The following MYO6 variants were observed in gnomAD, a reference collection of about 807,000 sequenced individuals.
MYO6 encodes the protein myosin VI.
MYO6 carries 74 observed loss-of-function variants against 178.7 expected under a neutral mutation model. The ratio of observed to expected loss-of-function variants is 0.41; its 90% CI spans 0.34 to 0.50. The LOEUF (loss-of-function observed/expected upper bound fraction) is 0.50. Among genes scored for constraint, MYO6 ranks in the 20% least tolerant of loss-of-function variants. The pLI, the probability that MYO6 is intolerant of heterozygous loss-of-function variation, is 0.09. For synonymous variants in MYO6, 477 were observed against 504.6 expected, an observed-to-expected ratio of 0.95 and a Z score of 0.73; for missense variants, 1,330 against 1,547.4, an observed-to-expected ratio of 0.86 and a Z score of 2.36.
chr6:75,850,146 C>A (rs1263606290), intron 11 of MYO6, among the ~76,000 whole-genome samples: 1 of 151,960 alleles, frequency 6.6e-6, no homozygotes, highest in African/African-American at 2.4e-5. Context: ...AAAGTAAGTC[C>A]TGATACAGGA....
At chr6:75,889,291 TTTA>T in intron 25 of MYO6, among the ~76,000 whole-genome samples, 1 of 152,244 alleles carries the variant, frequency 6.6e-6, no homozygotes, top group Admixed American at 6.5e-5. Context: ...GAAGGCTAAT[TTTA>T]GAAATCCAAT....
intron 1 of MYO6, among the ~76,000 whole-genome samples, chr6:75,781,481 T>G (rs1224066863): frequency 6.6e-6 from 1 of 152,034 alleles, no homozygotes; most frequent in East Asian, 1.9e-4. Context: ...TCTGTAACAG[T>G]GAGAGGGATA....
intron 13 of MYO6, among the ~76,000 whole-genome samples, chr6:75,857,656 G>T (rs894674805): frequency 6.6e-6 from 1 of 152,140 alleles, no homozygotes; most frequent in Admixed American, 6.5e-5. Context: ...CTGGGGATAG[G>T]TTGACCTAAC....
chr6:75,806,587 C>T (rs1160153538), intron 1 of MYO6, among the ~76,000 whole-genome samples: 4 of 152,170 alleles, frequency 2.6e-5, no homozygotes, highest in African/African-American at 4.8e-5. Context: ...ATGGCCATAA[C>T]GCCCATGCTG....
chr6:75,908,451 A>T (rs758783705), intron 31 of MYO6, 45 bp from the exon 32 acceptor site: 1 of 1,593,114 alleles, frequency 6.3e-7, no homozygotes, highest in African/African-American at 1.3e-5. Flanking sequence ...TTAGACGAAT[A>T]AATTAACATG....
intron 12 of MYO6, among the ~76,000 whole-genome samples, chr6:75,856,149 CTACAGT>C (rs200353005): frequency 6.6e-6 from 1 of 152,116 alleles, no homozygotes; most frequent in East Asian, 1.9e-4. Context: ...ACCCTACAGC[CTACAGT>C]TACTTGGTTC....
intron 1 of MYO6, among the ~76,000 whole-genome samples, chr6:75,805,019 A>ATTTTTTTTTTT (rs1285917454): frequency 3.3e-5 from 2 of 61,376 alleles, no homozygotes; most frequent in African/African-American, 2.2e-4. Flanking sequence ...ATATATATAT[A>ATTTTTTTTTTT]TATTTTTTTT....
At chr6:75,838,145 C>T (rs909859269) in intron 7 of MYO6, among the ~76,000 whole-genome samples, 2 of 151,676 alleles carry the variant, frequency 1.3e-5, no homozygotes, top group African/African-American at 2.4e-5. Context: ...CTCTGTCTCC[C>T]GAGTTCAAGT....
intron 30 of MYO6, among the ~76,000 whole-genome samples, chr6:75,905,609 C>T (rs912643785): frequency 4.6e-5 from 7 of 152,194 alleles, no homozygotes; most frequent in Non-Finnish European, 8.8e-5. Context: ...CTGACCTGCG[C>T]CCACTGTCTG....
Position 75,862,708 on chromosome 6 carries a change from T to C in MYO6, c.1659T>C (p.Asp553=), listed in dbSNP as rs1188221835. ...FTSAVHQKHK[D]HFRLTIPRKS... is the part of the protein sequence containing the mutation. ...CTGCAGTTCACCAAAAGCACAAGGA[T>C]CATTTTCGACTCACTGTGAGTTTTG... is the stretch of plus-strand genomic sequence containing the variant. The change falls in exon 16 of 35, where the codon GAT becomes GAC. Residue 553 remains aspartate (D), a synonymous_variant. Transcript: ENST00000369977. The C allele has an allele frequency of 6.2e-7, 1 of 1,614,004 alleles. No homozygotes were observed. Among genetic ancestry groups the C allele is most frequent in the African/African-American group, 1.3e-5 (1 of 74,926 alleles).
chr6:75,793,441 T>C (rs935599191), intron 1 of MYO6, among the ~76,000 whole-genome samples: 12 of 151,942 alleles, frequency 7.9e-5, no homozygotes, highest in Non-Finnish European at 1.3e-4. Context: ...TTGTTTCTAC[T>C]AAAAATACAA....
In MYO6 at chr6:75,757,077, G is replaced by T. The variant is rs144626078; in HGVS notation, c.-48+7654G>T. 1.1e-3 allele frequency among the ~76,000 whole-genome samples: 157 copies of T among 144,274 alleles called. 1 individual carries two copies. Among genetic ancestry groups the T allele is most frequent in the Middle Eastern group, 3.9e-3 (1 of 254 alleles). 94.6% of individuals were successfully genotyped at this position (144,274 alleles called of 152,430 possible). The stretch of plus-strand genomic sequence containing the variant: ...ATATGTATACACACATATATAGTGT[G>T]TATATATATGTATACGCAATATGTA... On this transcript the variant is annotated intron_variant, in intron 1 of 34. Transcript: ENST00000369977.
chr6:75,838,222 T>G (rs1043422802), intron 7 of MYO6, among the ~76,000 whole-genome samples: 1 of 151,760 alleles, frequency 6.6e-6, no homozygotes, highest in African/African-American at 2.4e-5. Flanking sequence ...GCCTGGCTGA[T>G]TTTTGTATTT....
At chr6:75,749,472 G>C (rs1034347129) in intron 1 of MYO6, 49 bp downstream of exon 1, 1 of 152,266 alleles carries the variant, frequency 6.6e-6, no homozygotes, top group African/African-American at 2.4e-5. Context: ...GGGGTCTCGC[G>C]TTCCCTGGCC....
chr6:75,890,694 A>C (rs887726504), intron 26 of MYO6, among the ~76,000 whole-genome samples: 6 of 152,224 alleles, frequency 3.9e-5, no homozygotes, highest in Admixed American at 3.3e-4. Context: ...TTTTGTAATA[A>C]GTTTGAAAAT....
intron 1 of MYO6, among the ~76,000 whole-genome samples, chr6:75,757,972 C>CTTTTTTTTTTTTTTTTTTTT (rs71002761): frequency 2.7e-5 from 2 of 74,298 alleles, no homozygotes; most frequent in Non-Finnish European, 4.7e-5. Context: ...TTGAAGTTGG[C>CTTTTTTTTTTTTTTTTTTTT]TTTTTTTTTT....
At chr6:75,902,527 T>C (rs1436294270) in intron 30 of MYO6, among the ~76,000 whole-genome samples, 1 of 152,238 alleles carries the variant, frequency 6.6e-6, no homozygotes, top group Non-Finnish European at 1.5e-5. Context: ...TTGTTTGTAG[T>C]ATTCTCTGAT....
At chr6:75,812,835 T>C (rs1770829266) in intron 1 of MYO6, among the ~76,000 whole-genome samples, 2 of 152,206 alleles carry the variant, frequency 1.3e-5, no homozygotes, top group Admixed American at 1.3e-4. Context: ...ATGTTGTCTT[T>C]ATCCATTCTT....
intron 34 of MYO6, 53 bp downstream of exon 34, chr6:75,914,334 T>A (rs1194897775): frequency 1.3e-6 from 2 of 1,514,528 alleles, no homozygotes; most frequent in Non-Finnish European, 1.8e-6. Flanking sequence ...GATCATAAAC[T>A]CTCTGAATGA....
Sources: allele counts gnomAD v4.1 joint callset (sites outside exome capture counted in the v4.1 genomes callset), GRCh38; gene constraint gnomAD v4.1.1; transcripts MANE v1.5; gene names NCBI Gene and HGNC (gene_info 2026-07-23, HGNC 2026-07-21).